The following GAS7 variants were observed in gnomAD, a reference collection of about 807,000 sequenced individuals.
GAS7 encodes the protein growth arrest-specific protein 7.
GAS7 carries 28 observed loss-of-function variants against 71.1 expected under a neutral mutation model. The observed-to-expected ratio is 0.39, with a 90% CI of 0.29 to 0.54. GAS7 has a LOEUF of 0.54. Among genes scored for constraint, GAS7 ranks in the 20% least tolerant of loss-of-function variants. The probability of loss-of-function intolerance (pLI) is 0.62; values close to 1 mark genes in which losing one functional copy is unlikely to be tolerated. For missense variants in GAS7, 436 were observed against 627.8 expected (o/e 0.69, Z 3.27); for synonymous variants, 258 against 245.8 (o/e 1.05, Z -0.46).
intron 1 of GAS7, among the ~76,000 whole-genome samples, chr17:10,150,878 C>T (rs2074161074): frequency 1.3e-5 from 2 of 152,122 alleles, no homozygotes; most frequent in African/African-American, 4.8e-5. Flanking sequence ...CGTGAGCCAC[C>T]GCACCTGGCC....
At chr17:10,042,150 C>T (rs746506749) in intron 1 of GAS7, among the ~76,000 whole-genome samples, 3 of 152,042 alleles carry the variant, frequency 2.0e-5, no homozygotes, top group African/African-American at 7.3e-5. Context: ...CGAAAATTAG[C>T]TGGGCGTGGT....
intron 1 of GAS7, among the ~76,000 whole-genome samples, chr17:10,029,476 G>A (rs978015712): frequency 3.9e-5 from 6 of 152,198 alleles, no homozygotes; most frequent in Non-Finnish European, 7.3e-5. Context: ...TGCATTTCTA[G>A]TTATACAATC....
chr17:10,166,420 A>G (rs2074294586), intron 1 of GAS7, among the ~76,000 whole-genome samples: 1 of 152,218 alleles, frequency 6.6e-6, no homozygotes, highest in Non-Finnish European at 1.5e-5. Context: ...CAGGCATCAG[A>G]GTTTGCAAAT....
intron 2 of GAS7, among the ~76,000 whole-genome samples, chr17:10,009,325 A>AAAAAAAAAAC: frequency 6.6e-6 from 1 of 151,214 alleles, no homozygotes; most frequent in Non-Finnish European, 1.5e-5. Context: ...CGTCAAAAAA[A>AAAAAAAAAAC]AAAAAAAAAA....
chr17:9,927,929 C>A (rs1385856870), intron 9 of GAS7, among the ~76,000 whole-genome samples: 1 of 152,110 alleles, frequency 6.6e-6, no homozygotes, highest in Non-Finnish European at 1.5e-5. Context: ...AAGGGAACCG[C>A]CCTGTATCCC....
chr17:10,188,809 T>G (rs1285775755), intron 1 of GAS7, among the ~76,000 whole-genome samples: 3 of 152,138 alleles, frequency 2.0e-5, no homozygotes, highest in Non-Finnish European at 4.4e-5. Context: ...CAGCTAATTT[T>G]TTTGTATTTA....
chr17:9,931,464 A>G (rs2068205761), intron 9 of GAS7, among the ~76,000 whole-genome samples: 1 of 152,094 alleles, frequency 6.6e-6, no homozygotes, highest in Non-Finnish European at 1.5e-5. Context: ...TCTGGCTCCC[A>G]GCCCCACCCC....
chr17:9,998,957 T>C (rs903405304), intron 2 of GAS7, among the ~76,000 whole-genome samples: 2 of 152,186 alleles, frequency 1.3e-5, no homozygotes, highest in Non-Finnish European at 2.9e-5. Context: ...CCAGAGGCCA[T>C]TAGACTGACA....
Position 9,926,893 on chromosome 17 carries a change from ACCTGGCAGGAAGGTGAGAGACACCC to A in GAS7, c.886-149_886-125del, listed in dbSNP as rs2068022825. ...AAGTGAGGATGAGTCTGGGGTAGCG[ACCTGGCAGGAAGGTGAGAGACACCC>A]CCTGACACGTGGCTGCCTATCAGGT... On this transcript the variant is annotated intron_variant, in intron 9 of 13. Coordinates refer to ENST00000432992, the MANE Select transcript of GAS7 (RefSeq NM_201433.2). This position sits in a 1 kb window ranked among gnomAD's most constrained non-coding sequence, Gnocchi z 5.0. 3.0e-6 allele frequency: 3 copies of A among 1,009,754 alleles called. No homozygotes were observed. The South Asian group carries it at 4.2e-5, about 14-fold the overall frequency. The allele number at this position is 1,009,754 out of a possible 1,614,324, so 62.5% of individuals were successfully genotyped here.
chr17:10,083,746 T>G (rs1372386432), intron 1 of GAS7, among the ~76,000 whole-genome samples: 1 of 152,226 alleles, frequency 6.6e-6, no homozygotes, highest in East Asian at 1.9e-4. Flanking sequence ...GGGCCTTTTA[T>G]GGACTCAGAA....
intron 1 of GAS7, among the ~76,000 whole-genome samples, chr17:10,134,265 T>G (rs1597811198): frequency 6.6e-6 from 1 of 152,060 alleles, no homozygotes. Context: ...TCTCCTGACC[T>G]CATGATCCGC....
At position 9,969,208 on chromosome 17, in the gene GAS7, A is replaced by G. The variant is rs1192068841; in HGVS notation, c.471+469T>C. The stretch of plus-strand genomic sequence containing the variant: ...TGAGAAAACAGTTTGGAAATCGTAC[A>G]ACATACTCCCATTTCCTTCCATCTC... On this transcript the variant is annotated intron_variant, in intron 4 of 13. Coordinates refer to ENST00000432992, the MANE Select transcript of GAS7 (RefSeq NM_201433.2). The surrounding 1 kb of genome is among the most constrained non-coding windows in gnomAD (Gnocchi z 5.5). 6.6e-6 allele frequency among the ~76,000 whole-genome samples: 1 copy of G among 152,240 alleles called. No individual in the cohort carries two copies. Among genetic ancestry groups the G allele is most frequent in the African/African-American group, 2.4e-5 (1 of 41,456 alleles).
At chr17:10,192,116 C>T (rs527910417) in intron 1 of GAS7, among the ~76,000 whole-genome samples, 1 of 152,306 alleles carries the variant, frequency 6.6e-6, no homozygotes, top group South Asian at 2.1e-4. Flanking sequence ...CATATACCTA[C>T]TGCAACTAAA....
chr17:10,169,352 A>G (rs775069166), intron 1 of GAS7, among the ~76,000 whole-genome samples: 2 of 152,202 alleles, frequency 1.3e-5, no homozygotes, highest in African/African-American at 4.8e-5. Context: ...CTCCTTCCCT[A>G]AAACTTCTTG....
intron 1 of GAS7, among the ~76,000 whole-genome samples, chr17:10,086,079 C>T (rs2073516271): frequency 1.3e-5 from 2 of 152,156 alleles, no homozygotes; most frequent in South Asian, 4.1e-4. Context: ...GCCAGGGCAC[C>T]CACCCAGGCA....
intron 1 of GAS7, among the ~76,000 whole-genome samples, chr17:10,192,410 T>G (rs9913442): frequency 0.069 from 10,514 of 152,238 alleles, 602 homozygotes; most frequent in East Asian, 0.22. Flanking sequence ...GTACACAAGG[T>G]TTCCTGGTTT....
chr17:10,196,286 T>G (rs1004372272), intron 1 of GAS7, among the ~76,000 whole-genome samples: 7 of 152,210 alleles, frequency 4.6e-5, no homozygotes, highest in African/African-American at 1.7e-4. Flanking sequence ...GGAGCTGACT[T>G]CGCCTCTCTC....
intron 1 of GAS7, among the ~76,000 whole-genome samples, chr17:10,138,129 AT>A (rs546326078): frequency 3.3e-5 from 5 of 150,378 alleles, no homozygotes; most frequent in African/African-American, 7.3e-5. Context: ...CGCCCAGCTA[AT>A]TTTTTTTTGT....
At chr17:9,993,907 T>A (rs1048005918) in intron 2 of GAS7, among the ~76,000 whole-genome samples, 1 of 152,134 alleles carries the variant, frequency 6.6e-6, no homozygotes, top group Non-Finnish European at 1.5e-5. Flanking sequence ...GAGAGCCAAA[T>A]TATGAATGAA....
Sources: gnomAD v4.1 joint callset for allele counts (sites outside exome capture counted in the v4.1 genomes callset) on GRCh38, gnomAD v4.1.1 for gene constraint, Gnocchi (gnomAD v3.1) non-coding constraint, MANE v1.5 for transcripts, NCBI Gene and HGNC (gene_info 2026-07-23, HGNC 2026-07-21) for gene names.